DSCAM: variants seen among roughly 807,000 people sequenced by gnomAD.
DSCAM encodes DS cell adhesion molecule.
In DSCAM, 47 loss-of-function variants were observed where a neutral mutation model predicts 217.7. The observed-to-expected ratio is 0.22, with a 90% CI of 0.17 to 0.28. The LOEUF (loss-of-function observed/expected upper bound fraction) is 0.28. Ranked by LOEUF, DSCAM falls within the 10% of genes least tolerant of loss-of-function variation. DSCAM has a pLI of 1.00. For synonymous variants in DSCAM, 1,056 were observed against 1,015.3 expected, an observed-to-expected ratio of 1.04 and a Z score of -0.76; for missense variants, 2,080 against 2,618.3, an observed-to-expected ratio of 0.79 and a Z score of 4.49.
intron 3 of DSCAM, among the ~76,000 whole-genome samples, chr21:40,637,713 G>T (rs1439108940): frequency 7.2e-6 from 1 of 139,412 alleles, no homozygotes; most frequent in Non-Finnish European, 1.5e-5. Context: ...CACTCTGTCA[G>T]CCAGGCTGGA....
At position 40,033,932 on chromosome 21, in the gene DSCAM, G is replaced by C. The variant is rs377193116; in HGVS notation, c.5686+8439C>G. Among the ~76,000 whole-genome samples, 9 of 138,756 alleles carry C rather than the reference G, an allele frequency of 6.5e-5. No individual in the cohort carries two copies. In the East Asian group the frequency reaches 1.0e-3, roughly 16 times the overall value. 91.0% of individuals were successfully genotyped at this position (138,756 alleles called of 152,430 possible). Reference sequence around the variant, plus strand: ...AGCAGGGGCAGACTGACACCTCACAGGGCAGGGTACTCCAACAGACCTGCA... The same window carrying C: ...AGCAGGGGCAGACTGACACCTCACACGGCAGGGTACTCCAACAGACCTGCA... On this transcript the variant is annotated intron_variant, in intron 32 of 32. Transcript: ENST00000400454.
chr21:40,023,387 A>G (rs2088313060), intron 32 of DSCAM, among the ~76,000 whole-genome samples: 1 of 151,988 alleles, frequency 6.6e-6, no homozygotes, highest in African/African-American at 2.4e-5. Flanking sequence ...TATACCCAGT[A>G]ATGGGATGGC....
In DSCAM at chr21:40,749,937, CT is replaced by C. The variant is rs554590479; in HGVS notation, c.44-41167del. 7.5e-3 allele frequency among the ~76,000 whole-genome samples: 1,103 copies of C among 146,504 alleles called. 4 individuals carry two copies. Among genetic ancestry groups the C allele is most frequent in the Middle Eastern group, 0.032 (9 of 280 alleles). On this transcript the variant is annotated intron_variant, in intron 1 of 32. Transcript: ENST00000400454. ...CCTTCATTGGCTCCACTTTCTTCTT[CT>C]TTTTTTTTTTCCTTTTTTGAGACAT...
chr21:40,802,529 T>A (rs1325838093), intron 1 of DSCAM, among the ~76,000 whole-genome samples: 1 of 152,200 alleles, frequency 6.6e-6, no homozygotes, highest in African/African-American at 2.4e-5. Flanking sequence ...CTGAAACTAA[T>A]GTTGAAGCTT....
intron 3 of DSCAM, among the ~76,000 whole-genome samples, chr21:40,675,026 C>T (rs1050589082): frequency 3.9e-5 from 5 of 129,704 alleles, no homozygotes; most frequent in African/African-American, 7.6e-5. Flanking sequence ...CACACACACA[C>T]ACACATGCAC....
chr21:40,759,756 C>T (rs907883701), intron 1 of DSCAM, among the ~76,000 whole-genome samples: 1 of 152,142 alleles, frequency 6.6e-6, no homozygotes, highest in Non-Finnish European at 1.5e-5. Context: ...ATGAGCCTGC[C>T]CCTGGCAGCA....
chr21:40,810,314 A>G (rs996032691), intron 1 of DSCAM, among the ~76,000 whole-genome samples: 1 of 152,176 alleles, frequency 6.6e-6, no homozygotes, highest in Non-Finnish European at 1.5e-5. Flanking sequence ...GGGGGAAGAA[A>G]ATTATCTTAG....
At chr21:40,594,913 A>C (rs555257116) in intron 3 of DSCAM, among the ~76,000 whole-genome samples, 1 of 152,252 alleles carries the variant, frequency 6.6e-6, no homozygotes, top group East Asian at 1.9e-4. Flanking sequence ...CTTGAGCCCA[A>C]TTCTATGTGC....
At chr21:40,804,022 G>A (rs1001246218) in intron 1 of DSCAM, among the ~76,000 whole-genome samples, 6 of 151,992 alleles carry the variant, frequency 3.9e-5, no homozygotes, top group African/African-American at 7.3e-5. Context: ...AGAAAGGGGG[G>A]AAATAGCTAA....
chr21:40,069,285 G>A (rs2089255188), intron 27 of DSCAM, among the ~76,000 whole-genome samples: 1 of 152,128 alleles, frequency 6.6e-6, no homozygotes, highest in Non-Finnish European at 1.5e-5. Context: ...CGAGTTTTGG[G>A]AAATGGCACC....
At chr21:40,203,899 A>G (rs1305834133) in intron 11 of DSCAM, among the ~76,000 whole-genome samples, 1 of 152,214 alleles carries the variant, frequency 6.6e-6, no homozygotes, top group Non-Finnish European at 1.5e-5. Context: ...TGTGGTTTTT[A>G]TAAAGGTTGA....
intron 20 of DSCAM, among the ~76,000 whole-genome samples, chr21:40,100,975 T>A (rs917752329): frequency 2.6e-5 from 4 of 152,130 alleles, no homozygotes; most frequent in African/African-American, 9.7e-5. Flanking sequence ...AGAGAAGACA[T>A]AAGAGTTCCT....
intron 3 of DSCAM, among the ~76,000 whole-genome samples, chr21:40,436,225 G>A (rs765363022): frequency 6.6e-6 from 1 of 152,174 alleles, no homozygotes; most frequent in Non-Finnish European, 1.5e-5. Context: ...AAGTGTCTCT[G>A]TATCAATTGT....
At chr21:40,219,100 T>C (rs1462757706) in intron 11 of DSCAM, among the ~76,000 whole-genome samples, 1 of 152,206 alleles carries the variant, frequency 6.6e-6, no homozygotes, top group Non-Finnish European at 1.5e-5. Flanking sequence ...CCATATGATA[T>C]TGGCTGTGGG....
intron 3 of DSCAM, among the ~76,000 whole-genome samples, chr21:40,489,691 C>T (rs1267059049): frequency 1.2e-4 from 17 of 136,246 alleles, no homozygotes; most frequent in Admixed American, 7.6e-4. Flanking sequence ...AGGAGAATGG[C>T]GTGAACCCGG....
At chr21:40,543,119 A>G in intron 3 of DSCAM, among the ~76,000 whole-genome samples, 1 of 152,210 alleles carries the variant, frequency 6.6e-6, no homozygotes, top group East Asian at 1.9e-4. Flanking sequence ...TCACATACAA[A>G]ATATGTTTAA....
At chr21:40,304,445 C>T (rs945072124) in intron 9 of DSCAM, among the ~76,000 whole-genome samples, 2 of 152,244 alleles carry the variant, frequency 1.3e-5, no homozygotes, top group Non-Finnish European at 2.9e-5. Flanking sequence ...GGTTGTTTCA[C>T]TTTACCATTT....
At chr21:40,166,799 G>C (rs187225655) in intron 16 of DSCAM, among the ~76,000 whole-genome samples, 33 of 152,288 alleles carry the variant, frequency 2.2e-4, no homozygotes, top group Admixed American at 9.1e-4. Context: ...CATCTAGTTA[G>C]TGGCACAGTG....
chr21:40,306,860 A>G (rs1331760442), intron 9 of DSCAM, among the ~76,000 whole-genome samples: 2 of 151,458 alleles, frequency 1.3e-5, no homozygotes, highest in Non-Finnish European at 1.5e-5. Context: ...TTTATTGAGG[A>G]TTTTTGCATC....
Sources: gnomAD v4.1 joint callset for allele counts (sites outside exome capture counted in the v4.1 genomes callset) on GRCh38, gnomAD v4.1.1 for gene constraint, MANE v1.5 for transcripts, NCBI Gene and HGNC (gene_info 2026-07-23, HGNC 2026-07-21) for gene names.